The following USP25 variants were observed in gnomAD, a reference collection of about 807,000 sequenced individuals.
The protein encoded by USP25 is ubiquitin specific peptidase 25.
A neutral mutation model predicts 158.5 loss-of-function variants in USP25; 85 were observed. The observed-to-expected ratio is 0.54, with a 90% CI of 0.45 to 0.64. The LOEUF is 0.64. USP25 is among the 30% of genes least tolerant of loss of function. USP25 has a pLI of 0.00. For missense variants in USP25, 1,242 were observed against 1,327.3 expected, an observed-to-expected ratio of 0.94 and a Z score of 1.00; for synonymous variants, 464 against 460.4, an observed-to-expected ratio of 1.01 and a Z score of -0.10.
intron 17 of USP25, among the ~76,000 whole-genome samples, chr21:15,841,563 C>G (rs1223107893): frequency 6.6e-6 from 1 of 152,104 alleles, no homozygotes; most frequent in Non-Finnish European, 1.5e-5. Context: ...AAAAACAGCT[C>G]ATTCATTATT....
Position 15,730,237 on chromosome 21 carries a change from C to T in USP25, c.-157C>T. 2 of 816,162 alleles carry T rather than the reference C, an allele frequency of 2.5e-6. No individual in the cohort carries two copies. The highest frequency in any genetic ancestry group is 1.5e-6 in the Non-Finnish European group (1 of 676,634). 50.6% of individuals were successfully genotyped at this position (816,162 alleles called of 1,614,324 possible). ...GCCTGCCCGCGGTGCCCGCGCACGC[C>T]GGCCGCCATCGCCTTCGCGCCTGGC... On this transcript the variant is annotated 5_prime_UTR_variant, in exon 1 of 26. Transcript: ENST00000400183.
intron 1 of USP25, among the ~76,000 whole-genome samples, chr21:15,731,476 C>G (rs1415836444): frequency 6.6e-6 from 1 of 152,102 alleles, no homozygotes; most frequent in Non-Finnish European, 1.5e-5. Flanking sequence ...TTGCAATATT[C>G]TACCTGTGCT....
intron 1 of USP25, among the ~76,000 whole-genome samples, chr21:15,757,668 T>C (rs2033466514): frequency 1.3e-5 from 2 of 152,224 alleles, no homozygotes; most frequent in Admixed American, 1.3e-4. Context: ...TACCAAGTCA[T>C]GTTCTTCTTA....
rs370570479 is a variant in USP25, at chr21:15,836,332, C to G, written c.2194+2784C>G. On this transcript the variant is annotated intron_variant, in intron 17 of 25. Transcript: ENST00000400183. ...TGTTCCTCTTCTGCTAAAATGTGAT[C>G]GAGAAATTCATGCGTATCAGTTCAC... Among the ~76,000 whole-genome samples, 4 of 152,298 alleles carry G rather than the reference C, an allele frequency of 2.6e-5. No homozygotes were observed. The South Asian group carries it at 8.3e-4, about 32-fold the overall frequency.
In USP25 at chr21:15,820,592, T is replaced by A. The variant is rs193094510; in HGVS notation, c.1080+1746T>A. Among the ~76,000 whole-genome samples, 1,244 of 152,086 alleles carry A rather than the reference T, an allele frequency of 8.2e-3. 7 individuals carry two copies. The highest frequency in any genetic ancestry group is 0.014 in the Non-Finnish European group (916 of 67,850). On this transcript the variant is annotated intron_variant, in intron 10 of 25. Coordinates refer to ENST00000400183, the MANE Select transcript of USP25 (RefSeq NM_001283041.3). ...TGGAGGCTATAGTTTCAATAATAAT[T>A]CAGCTTGATTTAAGAGACTGTCACT...
Position 15,878,388 on chromosome 21 carries a change from G to A in USP25, c.3291G>A (p.Lys1097=). Residue 1097 remains lysine, a synonymous_variant, in exon 26 of 26, where the codon AAG becomes AAA. Coordinates refer to ENST00000400183, the MANE Select transcript of USP25 (RefSeq NM_001283041.3). Reference sequence around the variant, plus strand: ...TTAAAAGTTTCCATGAGCCACCGAAGTTACCTTCATATTCCACGCATGAAC... The same window carrying A: ...TTAAAAGTTTCCATGAGCCACCGAAATTACCTTCATATTCCACGCATGAAC... ...MEIKSFHEPP[K]LPSYSTHELC... is the part of the protein sequence containing the mutation. The A allele has an allele frequency of 6.2e-7, 1 of 1,614,060 alleles. No individual in the cohort carries two copies. The highest frequency in any genetic ancestry group is 2.2e-5 in the East Asian group (1 of 44,868).
chr21:15,738,971 C>CGGTG (rs1318847751), intron 1 of USP25, among the ~76,000 whole-genome samples: 1 of 152,126 alleles, frequency 6.6e-6, no homozygotes, highest in Non-Finnish European at 1.5e-5. Flanking sequence ...CCCTCTCACA[C>CGGTG]GCACCCTCTT....
intron 1 of USP25, among the ~76,000 whole-genome samples, chr21:15,756,988 AC>A (rs2033419533): frequency 6.6e-6 from 1 of 152,288 alleles, no homozygotes; most frequent in East Asian, 1.9e-4. Context: ...CAGGGAGAGG[AC>A]CATATTTAGG....
At chr21:15,860,393 G>A (rs1029958015) in intron 20 of USP25, among the ~76,000 whole-genome samples, 1 of 152,104 alleles carries the variant, frequency 6.6e-6, no homozygotes. Context: ...GACTTCAGGT[G>A]ATCTGCCCAC....
At chr21:15,795,348 T>C (rs1255824296) in intron 5 of USP25, among the ~76,000 whole-genome samples, 1 of 151,662 alleles carries the variant, frequency 6.6e-6, no homozygotes, top group African/African-American at 2.4e-5. Flanking sequence ...AATTGCTACC[T>C]TTTTCCCCTA....
intron 1 of USP25, among the ~76,000 whole-genome samples, chr21:15,758,629 A>G (rs997389027): frequency 1.3e-5 from 2 of 152,272 alleles, no homozygotes; most frequent in African/African-American, 4.8e-5. Context: ...TCATGCTGCT[A>G]ATAAAGACAT....
intron 1 of USP25, among the ~76,000 whole-genome samples, chr21:15,755,572 G>A (rs1169371154): frequency 6.6e-6 from 1 of 152,190 alleles, no homozygotes; most frequent in Non-Finnish European, 1.5e-5. Context: ...CTAATGTCTT[G>A]AAGTCTGTGT....
At chr21:15,851,856 G>T (rs894574393) in intron 20 of USP25, among the ~76,000 whole-genome samples, 4 of 151,916 alleles carry the variant, frequency 2.6e-5, no homozygotes, top group African/African-American at 7.3e-5. Context: ...AGTAACTTGA[G>T]ATCTCCTTTC....
intron 22 of USP25, among the ~76,000 whole-genome samples, chr21:15,868,485 A>G (rs1311929199): frequency 6.6e-6 from 1 of 152,216 alleles, no homozygotes; most frequent in East Asian, 1.9e-4. Context: ...GATTGGACTC[A>G]TTATGTTTTT....
intron 10 of USP25, among the ~76,000 whole-genome samples, chr21:15,823,601 A>G (rs1601031636): frequency 6.6e-6 from 1 of 152,232 alleles, no homozygotes; most frequent in African/African-American, 2.4e-5. Flanking sequence ...GTGACGATTT[A>G]TGATATAAAT....
chr21:15,738,938 C>G lies in USP25; in HGVS notation c.45+8500C>G, dbSNP rs188394106. 2.6e-3 allele frequency among the ~76,000 whole-genome samples: 396 copies of G among 152,198 alleles called. 3 individuals carry two copies. Among genetic ancestry groups the G allele is most frequent in the African/African-American group, 8.4e-3 (350 of 41,500 alleles). ...GCATGCAGCCCCCAGTCACATACCC[C>G]CTGCTTGCTCATTTGATCATGACCC... On this transcript the variant is annotated intron_variant, in intron 1 of 25. Coordinates refer to ENST00000400183, the MANE Select transcript of USP25 (RefSeq NM_001283041.3).
intron 10 of USP25, among the ~76,000 whole-genome samples, chr21:15,823,831 A>G (rs964449921): frequency 2.6e-5 from 4 of 152,104 alleles, no homozygotes; most frequent in South Asian, 4.2e-4. Context: ...CTGATCATAT[A>G]TTATACCCAC....
intron 17 of USP25, among the ~76,000 whole-genome samples, chr21:15,834,163 T>G (rs993199054): frequency 6.6e-6 from 1 of 152,172 alleles, no homozygotes; most frequent in African/African-American, 2.4e-5. Context: ...TTTAAAAACA[T>G]TATTCTGAAA....
chr21:15,808,938 T>C, intron 8 of USP25, 53 bp downstream of exon 8: 2 of 1,232,030 alleles, frequency 1.6e-6, no homozygotes, highest in Non-Finnish European at 2.3e-6. Flanking sequence ...TTAGATAGCA[T>C]GTATTAAATG....
Sources: gnomAD v4.1 joint callset for allele counts (sites outside exome capture counted in the v4.1 genomes callset) on GRCh38, gnomAD v4.1.1 for gene constraint, MANE v1.5 for transcripts, NCBI Gene and HGNC (gene_info 2026-07-23, HGNC 2026-07-21) for gene names.